Variants in STK32B observed in about 807,000 individuals in gnomAD.
STK32B encodes serine/threonine-protein kinase 32B.
STK32B carries 43 observed loss-of-function variants against 52.6 expected under a neutral mutation model. The observed-to-expected ratio is 0.82, with a 90% CI of 0.64 to 1.05. STK32B has a LOEUF of 1.05. STK32B is among the 50% of genes least tolerant of loss of function. The pLI is 0.00. For synonymous variants in STK32B, 238 were observed against 204.3 expected (o/e 1.17, Z -1.41); for missense variants, 621 against 534.6 (o/e 1.16, Z -1.59).
chr4:5,329,228 A>G (rs1291490435), intron 3 of STK32B, among the ~76,000 whole-genome samples: 1 of 152,020 alleles, frequency 6.6e-6, no homozygotes, highest in Non-Finnish European at 1.5e-5. Flanking sequence ...TGAGTCTCTG[A>G]TAGGAGACAC....
chr4:5,283,162 C>A (rs981461112), intron 3 of STK32B, among the ~76,000 whole-genome samples: 1 of 152,064 alleles, frequency 6.6e-6, no homozygotes, highest in Non-Finnish European at 1.5e-5. Context: ...TAAGTGAGAT[C>A]GTGTGGTATT....
intron 1 of STK32B, among the ~76,000 whole-genome samples, chr4:5,111,789 T>C (rs747001789): frequency 6.6e-6 from 1 of 152,092 alleles, no homozygotes; most frequent in Non-Finnish European, 1.5e-5. Context: ...ATGGACCTCC[T>C]TGATGATTCT....
chr4:5,236,705 T>C (rs910952653), intron 3 of STK32B, among the ~76,000 whole-genome samples: 24 of 152,264 alleles, frequency 1.6e-4, no homozygotes, highest in African/African-American at 5.5e-4. Flanking sequence ...CACAGGCAGC[T>C]GTAGATTGCT....
chr4:5,219,493 TTGG>T (rs1723389099), intron 3 of STK32B, among the ~76,000 whole-genome samples: 2 of 152,340 alleles, frequency 1.3e-5, no homozygotes, highest in African/African-American at 4.8e-5. Context: ...CTTGCTGAAG[TTGG>T]TGGTGTTTGT....
intron 1 of STK32B, among the ~76,000 whole-genome samples, chr4:5,079,994 G>T (rs189455147): frequency 3.3e-5 from 5 of 152,256 alleles, no homozygotes; most frequent in Non-Finnish European, 5.9e-5. Flanking sequence ...TGGCTAAAGG[G>T]TACAGACTTT....
chr4:5,315,825 C>T (rs185439338), intron 3 of STK32B, among the ~76,000 whole-genome samples: 285 of 151,494 alleles, frequency 1.9e-3, no homozygotes, highest in Middle Eastern at 3.4e-3. Context: ...CTGCCTCAGC[C>T]TCCTGAGTAG....
chr4:5,234,585 T>A (rs1374323011), intron 3 of STK32B, among the ~76,000 whole-genome samples: 2 of 152,258 alleles, frequency 1.3e-5, no homozygotes, highest in African/African-American at 4.8e-5. Context: ...ACTCATTCCT[T>A]TTTATTTCTG....
intron 6 of STK32B, among the ~76,000 whole-genome samples, chr4:5,427,634 A>G (rs993059319): frequency 2.6e-5 from 4 of 152,158 alleles, no homozygotes; most frequent in Non-Finnish European, 2.9e-5. Context: ...TTGGTAGTTT[A>G]TGTCTTTCAA....
intron 1 of STK32B, among the ~76,000 whole-genome samples, chr4:5,131,989 C>G (rs187515402): frequency 3.9e-5 from 6 of 152,250 alleles, no homozygotes; most frequent in South Asian, 2.1e-4. Context: ...GTACAGGTAG[C>G]CTTTAATGTA....
At chr4:5,416,402 C>T (rs1177913752) in intron 5 of STK32B, among the ~76,000 whole-genome samples, 1 of 152,134 alleles carries the variant, frequency 6.6e-6, no homozygotes, top group African/African-American at 2.4e-5. Context: ...TCCTCAATTA[C>T]AGTACTAAGG....
At chr4:5,389,500 G>A (rs1269212643) in intron 4 of STK32B, among the ~76,000 whole-genome samples, 1 of 152,168 alleles carries the variant, frequency 6.6e-6, no homozygotes, top group Non-Finnish European at 1.5e-5. Flanking sequence ...GGGCCCTGAT[G>A]TCTCCCCATG....
intron 3 of STK32B, among the ~76,000 whole-genome samples, chr4:5,292,807 A>T (rs1347933363): frequency 6.6e-6 from 1 of 151,492 alleles, no homozygotes; most frequent in Non-Finnish European, 1.5e-5. Context: ...AAGTTCTGGG[A>T]TACATGTGCA....
intron 2 of STK32B, among the ~76,000 whole-genome samples, chr4:5,142,275 A>G (rs188633464): frequency 3.3e-5 from 5 of 152,108 alleles, no homozygotes; most frequent in African/African-American, 4.8e-5. Context: ...CCTGGGAAAA[A>G]TCTCTTCTTC....
At chr4:5,316,267 GTA>G (rs1245455895) in intron 3 of STK32B, among the ~76,000 whole-genome samples, 3 of 44,678 alleles carry the variant, frequency 6.7e-5, no homozygotes, top group Non-Finnish European at 9.7e-5. Context: ...ATATTATATA[GTA>G]TATATAATAT....
chr4:5,236,189 A>C (rs1006501862), intron 3 of STK32B, among the ~76,000 whole-genome samples: 4 of 152,130 alleles, frequency 2.6e-5, no homozygotes, highest in Non-Finnish European at 5.9e-5. Context: ...ACTGAGCTCC[A>C]TGTGTCTCCC....
chr4:5,213,680 C>T lies in STK32B; in HGVS notation c.260+45230C>T, dbSNP rs146674753. Among the ~76,000 whole-genome samples, 126 of 152,280 alleles carry T rather than the reference C, an allele frequency of 8.3e-4. 2 individuals are homozygous for T. Among genetic ancestry groups the T allele is most frequent in the African/African-American group, 2.7e-3 (111 of 41,554 alleles). ...AAAATCACAAATACTTCCTTCTTAG[C>T]GAAGCTTCTTGTCTCATTTCTGATT... On this transcript the variant is annotated intron_variant, in intron 3 of 11. Transcript: ENST00000282908.
At chr4:5,340,271 G>A (rs904119155) in intron 4 of STK32B, among the ~76,000 whole-genome samples, 29 of 152,332 alleles carry the variant, frequency 1.9e-4, no homozygotes, top group African/African-American at 5.8e-4. Flanking sequence ...AGCACCAGTG[G>A]GAGCTTCAAG....
At chr4:5,210,911 T>G (rs1259152380) in intron 3 of STK32B, among the ~76,000 whole-genome samples, 1 of 151,518 alleles carries the variant, frequency 6.6e-6, no homozygotes, top group Non-Finnish European at 1.5e-5. Context: ...TCCTCCCACC[T>G]CAGCCCCATG....
At chr4:5,124,232 G>T (rs1295682453) in intron 1 of STK32B, among the ~76,000 whole-genome samples, 1 of 152,130 alleles carries the variant, frequency 6.6e-6, no homozygotes, top group Non-Finnish European at 1.5e-5. Context: ...GAAATCTCCG[G>T]CTGTTCTAAG....
Sources: gnomAD v4.1 joint callset for allele counts (sites outside exome capture counted in the v4.1 genomes callset) on GRCh38, gnomAD v4.1.1 for gene constraint, MANE v1.5 for transcripts, NCBI Gene and HGNC (gene_info 2026-07-23, HGNC 2026-07-21) for gene names.